SORCS2: variants seen among roughly 807,000 people sequenced by gnomAD.
The protein encoded by SORCS2 is VPS10 domain-containing receptor SorCS2.
A neutral mutation model predicts 141.6 loss-of-function variants in SORCS2; 100 were observed. The observed-to-expected ratio is 0.71, with a 90% CI of 0.60 to 0.83. SORCS2 has a LOEUF of 0.83. SORCS2 is among the 40% of genes least tolerant of loss of function. SORCS2 has a pLI of 0.00. For synonymous variants in SORCS2, 789 were observed against 676.9 expected (o/e 1.17, Z -2.57); for missense variants, 1,646 against 1,560.2 (o/e 1.05, Z -0.93).
At chr4:7,257,548 C>T (rs538887193) in intron 1 of SORCS2, among the ~76,000 whole-genome samples, 1 of 152,274 alleles carries the variant, frequency 6.6e-6, no homozygotes, top group Admixed American at 6.5e-5. Context: ...CCCTCTCCTG[C>T]CCCACAGGTC....
At chr4:7,644,652 G>A (rs562734105) in intron 4 of SORCS2, among the ~76,000 whole-genome samples, 4 of 152,104 alleles carry the variant, frequency 2.6e-5, no homozygotes, top group African/African-American at 9.7e-5. Context: ...GGGCAGACTC[G>A]AAGCACCTCC....
chr4:7,590,761 GGCTACT>G (rs968993637), intron 3 of SORCS2, among the ~76,000 whole-genome samples: 1 of 152,150 alleles, frequency 6.6e-6, no homozygotes, highest in African/African-American at 2.4e-5. Flanking sequence ...CCACTGCGCC[GGCTACT>G]GCTGACACCT....
chr4:7,323,432 C>T (rs1719032974), intron 1 of SORCS2, among the ~76,000 whole-genome samples: 1 of 152,140 alleles, frequency 6.6e-6, no homozygotes, highest in South Asian at 2.1e-4. Flanking sequence ...ACAGTAATGC[C>T]CTGCTGGCCT....
At chr4:7,402,437 G>A (rs141747608) in intron 2 of SORCS2, among the ~76,000 whole-genome samples, 8 of 152,282 alleles carry the variant, frequency 5.3e-5, no homozygotes, top group African/African-American at 1.7e-4. Context: ...AGCTTGTTTT[G>A]CAAAGAATGG....
At chr4:7,284,457 A>G (rs1410977333) in intron 1 of SORCS2, among the ~76,000 whole-genome samples, 1 of 152,158 alleles carries the variant, frequency 6.6e-6, no homozygotes, top group Non-Finnish European at 1.5e-5. Context: ...TGCTCAAGAA[A>G]TGGCAGCCAT....
intron 3 of SORCS2, among the ~76,000 whole-genome samples, chr4:7,560,276 G>C (rs914483401): frequency 6.6e-6 from 1 of 152,216 alleles, no homozygotes; most frequent in African/African-American, 2.4e-5. Flanking sequence ...CTCCTAAAAA[G>C]AGCCTCAGAG....
At chr4:7,458,708 A>G (rs1729084371) in intron 2 of SORCS2, among the ~76,000 whole-genome samples, 1 of 152,076 alleles carries the variant, frequency 6.6e-6, no homozygotes, top group Non-Finnish European at 1.5e-5. Flanking sequence ...TGACCGAGAC[A>G]AGGTCCCAGC....
At chr4:7,713,610 T>C (rs1478399419) in intron 15 of SORCS2, among the ~76,000 whole-genome samples, 2 of 151,944 alleles carry the variant, frequency 1.3e-5, no homozygotes, top group African/African-American at 2.4e-5. Context: ...CATCAGAGAA[T>C]TTGACATCAC....
rs116285583 is a variant in SORCS2 at position 7,654,587 on chromosome 4, G to A, written c.887+380G>A. On this transcript the variant is annotated intron_variant, in intron 5 of 26. Coordinates refer to ENST00000507866, the MANE Select transcript of SORCS2 (RefSeq NM_020777.3). ...TACACATGTCCCCAGCGCAGCACCC[G>A]GCCCACCACTCCGCACTCCCTGCCC... Among the ~76,000 whole-genome samples the A allele has an allele frequency of 3.4e-3, 512 of 152,240 alleles. 2 individuals carry two copies. The highest frequency in any genetic ancestry group is 9.6e-3 in the African/African-American group (398 of 41,540).
chr4:7,587,708 C>T (rs780612027), intron 3 of SORCS2, among the ~76,000 whole-genome samples: 7 of 152,174 alleles, frequency 4.6e-5, no homozygotes, highest in Admixed American at 6.5e-5. Flanking sequence ...TGGGCCCAGG[C>T]GTGTCTGCCC....
chr4:7,232,484 C>T (rs1034614438), intron 1 of SORCS2, among the ~76,000 whole-genome samples: 6 of 152,142 alleles, frequency 3.9e-5, no homozygotes, highest in Non-Finnish European at 8.8e-5. Flanking sequence ...CCCAGGATGG[C>T]GGATTTATTC....
intron 2 of SORCS2, among the ~76,000 whole-genome samples, chr4:7,451,502 C>T (rs1298787558): frequency 2.6e-5 from 4 of 152,268 alleles, no homozygotes; most frequent in African/African-American, 9.6e-5. Flanking sequence ...GCTCTCAGAC[C>T]TGTCCCTACT....
rs962222927 is a variant in SORCS2, at chr4:7,350,482, C to T, written c.481-45806C>T. Among the ~76,000 whole-genome samples the T allele has an allele frequency of 2.0e-5, 3 of 152,254 alleles. No homozygotes were observed. In the South Asian group the frequency reaches 6.2e-4, roughly 31 times the overall value. ...TTGACCTTTGATGTCCAAAATCCTG[C>T]TAGATGGGACACTCCCAAAGGGCAG... is the stretch of plus-strand genomic sequence containing the variant. On this transcript the variant is annotated intron_variant, in intron 1 of 26. Coordinates refer to ENST00000507866, the MANE Select transcript of SORCS2 (RefSeq NM_020777.3).
chr4:7,307,237 C>G (rs1463136464), intron 1 of SORCS2, among the ~76,000 whole-genome samples: 1 of 152,216 alleles, frequency 6.6e-6, no homozygotes, highest in Non-Finnish European at 1.5e-5. Flanking sequence ...CTGCTGTGCC[C>G]GGGAGGGATC....
chr4:7,641,430 G>A (rs1309251824), intron 4 of SORCS2, among the ~76,000 whole-genome samples: 1 of 152,160 alleles, frequency 6.6e-6, no homozygotes, highest in Non-Finnish European at 1.5e-5. Context: ...CAGCATGGGG[G>A]AAACTGCCCC....
At chr4:7,398,757 C>G (rs12512241) in intron 2 of SORCS2, among the ~76,000 whole-genome samples, 28,148 of 152,078 alleles carry the variant, frequency 0.19, 2,870 homozygotes, top group Non-Finnish European at 0.23. Flanking sequence ...ATGGCTGTTA[C>G]GAGCCCCTGG....
chr4:7,712,729 C>T lies in SORCS2; in HGVS notation c.1869-4C>T. ...CTCTCCCTTCCCTCCTCTTCCCACC[C>T]CAGGGTCTTTGGCCACATCAGCTTC... is the stretch of plus-strand genomic sequence containing the variant. On this transcript the variant is annotated splice_polypyrimidine_tract_variant and splice_region_variant and intron_variant, in intron 14 of 26. Transcript: ENST00000507866. 1.2e-6 allele frequency: 2 copies of T among 1,613,964 alleles called. No individual in the cohort carries two copies. The highest frequency in any genetic ancestry group is 2.2e-5 in the East Asian group (1 of 44,876).
intron 2 of SORCS2, among the ~76,000 whole-genome samples, chr4:7,403,174 A>G (rs1724709247): frequency 6.6e-6 from 1 of 152,088 alleles, no homozygotes; most frequent in Admixed American, 6.5e-5. Flanking sequence ...AGTGGCATGC[A>G]CTCAGCATTT....
chr4:7,203,355 C>T (rs1401367188), intron 1 of SORCS2, among the ~76,000 whole-genome samples: 1 of 152,208 alleles, frequency 6.6e-6, no homozygotes, highest in Non-Finnish European at 1.5e-5. Flanking sequence ...ATCAGGGAGA[C>T]GGAGATTGTA....
Sources: gnomAD v4.1 joint callset for allele counts (sites outside exome capture counted in the v4.1 genomes callset) on GRCh38, gnomAD v4.1.1 for gene constraint, MANE v1.5 for transcripts, NCBI Gene and HGNC (gene_info 2026-07-23, HGNC 2026-07-21) for gene names.